The following OR4P4 variants were observed in gnomAD, a reference collection of about 807,000 sequenced individuals.
OR4P4 encodes olfactory receptor 4P4.
Under a neutral mutation model 2.1 loss-of-function variants are expected in OR4P4, and 1 was observed. The observed-to-expected ratio is 0.47, with a 90% CI of 0.17 to 2.21. OR4P4 has a LOEUF of 2.21. OR4P4 is among the 30% of genes most tolerant of loss of function. The pLI is 0.27. For missense variants in OR4P4, 375 were observed against 376.5 expected, an observed-to-expected ratio of 1.00 and a Z score of 0.03; for synonymous variants, 129 against 133.2, an observed-to-expected ratio of 0.97 and a Z score of 0.22.
In OR4P4 at chr11:55,639,272, C is replaced by G; in HGVS notation, c.915C>G (p.Leu305=). The G allele has an allele frequency of 1.4e-6, 2 of 1,448,078 alleles. 1 individual carries two copies. The highest frequency in any genetic ancestry group is 1.9e-6 in the Non-Finnish European group (2 of 1,071,634). 89.7% of individuals were successfully genotyped at this position (1,448,078 alleles called of 1,614,324 possible). The change falls in exon 2 of 2, where the codon CTC becomes CTG. Residue 305 remains leucine (L), a synonymous_variant. Transcript: ENST00000641760. ...GGAAAGTGTGGTGTTGTCAAATACT[C>G]CTGAAAAGAAATCAACTTTTCTGAA...
rs1858427042 is a variant in OR4P4 at position 55,639,060 on chromosome 11, C to T, written c.703C>T (p.Leu235Phe). Residue 235 changes from leucine to phenylalanine, a missense_variant, in exon 2 of 2, where the codon CTT (leucine) becomes TTT (phenylalanine). Coordinates refer to ENST00000641760, the Ensembl canonical transcript of OR4P4. ...CTCTGCAGAGAGACGCAGCAAAGCT[C>T]TTGCCACTTGTAGTTCTCATGTAAT... The T allele has an allele frequency of 4.7e-6, 7 of 1,492,164 alleles. 1 individual carries two copies. Among genetic ancestry groups the T allele is most frequent in the South Asian group, 1.2e-5 (1 of 84,908 alleles). 92.4% of individuals were successfully genotyped at this position (1,492,164 alleles called of 1,614,324 possible). A position where few individuals can be genotyped will look rare whatever the true frequency, so the allele number is the denominator to read the frequency against.
exon 2 of OR4P4, chr11:55,639,295 G>C: frequency 7.2e-7 from 1 of 1,389,602 alleles, no homozygotes; most frequent in South Asian, 1.3e-5. Flanking sequence ...CAACTTTTCT[G>C]AATTGTTTCT....
chr11:55,639,275 GA>G lies in OR4P4; in HGVS notation c.922del (p.Arg308GlufsTer19). The G allele has an allele frequency of 6.9e-7, 1 of 1,443,578 alleles. No homozygotes were observed. The highest frequency in any genetic ancestry group is 9.4e-7 in the Non-Finnish European group (1 of 1,068,018). 89.4% of individuals were successfully genotyped at this position (1,443,578 alleles called of 1,614,324 possible). Reference sequence around the variant, plus strand: ...AAGTGTGGTGTTGTCAAATACTCCTGAAAAGAAATCAACTTTTCTGAATTGT... The same window carrying G: ...AAGTGTGGTGTTGTCAAATACTCCTGAAAGAAATCAACTTTTCTGAATTGT... On this transcript the variant is annotated frameshift_variant, in exon 2 of 2. Coordinates refer to ENST00000641760, the Ensembl canonical transcript of OR4P4. LOFTEE classifies it high-confidence loss of function.
Position 55,638,362 on chromosome 11 carries a change from A to G in OR4P4, c.5A>G (p.Glu2Gly), listed in dbSNP as rs780985505. Reference sequence around the variant, plus strand: ...ATGTTCTATCTACACTGGACCATGGAAAAAAGCAATAATAGCACTTTGTTT... The same window carrying G: ...ATGTTCTATCTACACTGGACCATGGGAAAAAGCAATAATAGCACTTTGTTT... Residue 2 changes from glutamate (E) to glycine (G), a missense_variant, in exon 2 of 2, where the codon GAA becomes GGA. By Grantham distance (98) the Glu-to-Gly change is moderately conservative (BLOSUM62 -2). Coordinates refer to ENST00000641760, the Ensembl canonical transcript of OR4P4. 9 of 1,344,806 alleles carry G rather than the reference A, an allele frequency of 6.7e-6. No individual in the cohort carries two copies. The South Asian group carries it at 1.1e-4, about 17-fold the overall frequency. The allele number at this position is 1,344,806 out of a possible 1,614,324, so 83.3% of individuals were successfully genotyped here.
At chr11:55,635,949 G>C (rs577341717) in intron 1 of OR4P4, among the ~76,000 whole-genome samples, 1 of 137,606 alleles carries the variant, frequency 7.3e-6, no homozygotes, top group African/African-American at 2.5e-5. Context: ...AATGTCAACA[G>C]ATAATAGCAC....
rs73469483 is a variant in OR4P4 at position 55,639,210 on chromosome 11, T to G, written c.853T>G (p.Tyr285Asp). Residue 285 changes from tyrosine (Y) to aspartate (D), a missense_variant, in exon 2 of 2, where the codon TAC becomes GAC. Tyr to Asp is a radical substitution (Grantham distance 160). Transcript: ENST00000641760. ...TGCTCCCATGTTCAACCCTCTCATA[T>G]ACACGCTGAGAAACACAGAGATGAA... is the stretch of plus-strand genomic sequence containing the variant. The G allele has an allele frequency of 3.2e-3, 4,731 of 1,488,560 alleles. 624 individuals are homozygous for G. The African/African-American group carries it at 0.057, about 18-fold the overall frequency. 92.2% of individuals were successfully genotyped at this position (1,488,560 alleles called of 1,614,324 possible).
At position 55,638,779 on chromosome 11, in the gene OR4P4, C is replaced by A. The variant is rs139375531; in HGVS notation, c.422C>A (p.Thr141Lys). 7.9e-5 allele frequency: 118 copies of A among 1,492,428 alleles called. 20 individuals are homozygous for A. The highest frequency in any genetic ancestry group is 1.0e-4 in the Non-Finnish European group (110 of 1,097,640). 92.4% of individuals were successfully genotyped at this position (1,492,428 alleles called of 1,614,324 possible). Residue 141 changes from threonine to lysine, a missense_variant, in exon 2 of 2, where the codon ACA becomes AAA. Thr to Lys is a moderately conservative substitution (Grantham distance 78). Coordinates refer to ENST00000641760, the Ensembl canonical transcript of OR4P4. ...ATTATGAGCAGGCAAAAGTGTAACACAATCATCATAGTTTGTTGTACTGGG... is the reference window on the plus strand; with the variant it reads ...ATTATGAGCAGGCAAAAGTGTAACAAAATCATCATAGTTTGTTGTACTGGG...
rs779357524 is a variant in OR4P4, at chr11:55,638,608, TG to T, written c.253del (p.Ala85GlnfsTer12). 6.7e-7 allele frequency: 1 copy of T among 1,486,992 alleles called. No homozygotes were observed. The highest frequency in any genetic ancestry group is 9.1e-7 in the Non-Finnish European group (1 of 1,092,984). 92.1% of individuals were successfully genotyped at this position (1,486,992 alleles called of 1,614,324 possible). A position where few individuals can be genotyped will look rare whatever the true frequency, so the allele number is the denominator to read the frequency against. ...ACCCCCAAATTAATGGTTGACTTAC[TG>T]GCAGAAAGAAAGACCATTTCCTATA... On this transcript the variant is annotated frameshift_variant, in exon 2 of 2. Transcript: ENST00000641760. LOFTEE classifies it low-confidence loss of function (END_TRUNC).
chr11:55,639,678 G>C (rs115010601), exon 2 of OR4P4: 2,426 of 172,636 alleles, frequency 0.014, 288 homozygotes, highest in African/African-American at 0.056. Flanking sequence ...CACAGAAAAT[G>C]CATGTATTGC....
In OR4P4 at chr11:55,638,337, A is replaced by G. The variant is rs113739984; in HGVS notation, c.-21A>G. ...AATTATGTCATTTCAGGTGACTTAT[A>G]TGTTCTATCTACACTGGACCATGGA... On this transcript the variant is annotated 5_prime_UTR_variant, in exon 2 of 2. It adds an upstream start codon to the 5' untranslated region. Transcript: ENST00000641760. The G allele has an allele frequency of 6.6e-6, 7 of 1,060,406 alleles. 1 individual carries two copies. The African/African-American group carries it at 7.7e-5, about 12-fold the overall frequency. 65.7% of individuals were successfully genotyped at this position (1,060,406 alleles called of 1,614,324 possible).
At chr11:55,639,184 T>G in exon 2 of OR4P4, 1 of 1,488,436 alleles carries the variant, frequency 6.7e-7, no homozygotes, top group South Asian at 1.2e-5. Flanking sequence ...TATACCATCA[T>G]TGCTCCCATG....
chr11:55,638,598 G>A (rs779682373), exon 2 of OR4P4: 1 of 1,483,662 alleles, frequency 6.7e-7, no homozygotes, highest in East Asian at 2.6e-5. Context: ...CAAATTAATG[G>A]TTGACTTACT....
intron 1 of OR4P4, among the ~76,000 whole-genome samples, chr11:55,637,828 T>C (rs1385496069): frequency 7.2e-6 from 1 of 138,510 alleles, no homozygotes; most frequent in South Asian, 2.3e-4. Context: ...ACCTACAACG[T>C]TGGTTTTAGT....
At chr11:55,635,656 C>T (rs1197790044) in intron 1 of OR4P4, among the ~76,000 whole-genome samples, 1 of 137,020 alleles carries the variant, frequency 7.3e-6, no homozygotes, top group Non-Finnish European at 1.6e-5. Flanking sequence ...AGGACAGAAT[C>T]GACTATAAAG....
intron 1 of OR4P4, among the ~76,000 whole-genome samples, chr11:55,637,291 A>G (rs1284794767): frequency 1.4e-5 from 2 of 138,428 alleles, no homozygotes; most frequent in Non-Finnish European, 3.2e-5. Flanking sequence ...TGGGTTTTAA[A>G]TAACATACAT....
intron 1 of OR4P4, among the ~76,000 whole-genome samples, chr11:55,636,592 A>C (rs999631202): frequency 1.5e-5 from 2 of 137,410 alleles, no homozygotes; most frequent in South Asian, 2.4e-4. Flanking sequence ...GAGGGTTATA[A>C]ATTCAGACTT....
exon 2 of OR4P4, chr11:55,638,518 A>G: frequency 6.7e-7 from 1 of 1,487,694 alleles, no homozygotes; most frequent in Non-Finnish European, 9.1e-7. Context: ...CAGCTCATTC[A>G]CCAACCCATG....
In OR4P4 at chr11:55,638,439, T is replaced by C. The variant is rs770703939; in HGVS notation, c.82T>C (p.Leu28=). 3.9e-5 allele frequency: 57 copies of C among 1,466,858 alleles called. 16 individuals carry two copies. The highest frequency in any genetic ancestry group is 5.0e-5 in the Non-Finnish European group (54 of 1,076,716). The allele number at this position is 1,466,858 out of a possible 1,614,324, so 90.9% of individuals were successfully genotyped here. Residue 28 remains leucine, a synonymous_variant, in exon 2 of 2, where the codon TTA becomes CTA. Coordinates refer to ENST00000641760, the Ensembl canonical transcript of OR4P4. Reference sequence around the variant, plus strand: ...GAACATTGAAGTCCTCTGCTTTGTATTATTTTTGTTTTGCTACATTGCTAT... The same window carrying C: ...GAACATTGAAGTCCTCTGCTTTGTACTATTTTTGTTTTGCTACATTGCTAT...
chr11:55,639,057 G>T, exon 2 of OR4P4: 1 of 1,492,376 alleles, frequency 6.7e-7, no homozygotes, highest in Non-Finnish European at 9.1e-7. Context: ...ACGCAGCAAA[G>T]CTCTTGCCAC....
Sources: gnomAD v4.1 joint callset for allele counts (sites outside exome capture counted in the v4.1 genomes callset) on GRCh38, gnomAD v4.1.1 for gene constraint, MANE v1.5 for transcripts, NCBI Gene and HGNC (gene_info 2026-07-23, HGNC 2026-07-21) for gene names.